KRT4: variants seen among roughly 807,000 people sequenced by gnomAD.
The protein encoded by KRT4 is keratin 4.
In KRT4, 47 loss-of-function variants were observed where a neutral mutation model predicts 50.6. The ratio of observed to expected loss-of-function variants is 0.93; its 90% CI spans 0.73 to 1.18. The LOEUF is 1.18. Ranked by LOEUF, KRT4 falls within the 50% of genes most tolerant of loss-of-function variation. The pLI is 0.00. For synonymous variants in KRT4, 254 were observed against 251.2 expected (o/e 1.01, Z -0.10); for missense variants, 651 against 645.7 (o/e 1.01, Z -0.09).
At chr12:52,807,338 G>C in intron 8 of KRT4, 21 bp downstream of exon 8, 1 of 1,614,208 alleles carries the variant, frequency 6.2e-7, no homozygotes, top group South Asian at 1.1e-5. Flanking sequence ...AACAACTACA[G>C]CAGGCGTGGA....
At chr12:52,808,904 A>T in intron 4 of KRT4, 54 bp from the exon 5 acceptor site, 1 of 1,586,378 alleles carries the variant, frequency 6.3e-7, no homozygotes, top group Non-Finnish European at 8.7e-7. Flanking sequence ...CACTGACCTG[A>T]TACAGGCTCA....
intron 3 of KRT4, 110 bp downstream of exon 3, chr12:52,810,646 G>C (rs1939893705): frequency 1.1e-6 from 1 of 883,132 alleles, no homozygotes; most frequent in Admixed American, 1.8e-5. Context: ...ATAGTTCCAA[G>C]TGAAGCAGGG....
Position 52,813,618 on chromosome 12 carries a change from CTT to C in KRT4, c.439_440del (p.Lys147ValfsTer16). 6.2e-7 allele frequency: 1 copy of C among 1,614,160 alleles called. No individual in the cohort carries two copies. The highest frequency in any genetic ancestry group is 1.3e-5 in the African/African-American group (1 of 75,028). On this transcript the variant is annotated frameshift_variant, in exon 1 of 9. Coordinates refer to ENST00000551956, the MANE Select transcript of KRT4 (RefSeq NM_002272.4). LOFTEE classifies it high-confidence loss of function. ...TCACCTTGTCGATGAAGGAGGCAAACTTGTTGTTGAGGAGCTTGATCTGTTCG... is the reference window on the plus strand; with the variant it reads ...TCACCTTGTCGATGAAGGAGGCAAACGTTGTTGAGGAGCTTGATCTGTTCG... ...EREQIKLLNN[K>X]FASFIDKVQF...
chr12:52,810,901 T>C, intron 2 of KRT4, 85 bp from the exon 3 acceptor site: 1 of 1,138,134 alleles, frequency 8.8e-7, no homozygotes. Flanking sequence ...TTCAAGCATT[T>C]CCAAACAAAT....
intron 2 of KRT4, 21 bp downstream of exon 2, chr12:52,811,742 C>A: frequency 6.3e-7 from 1 of 1,593,036 alleles, no homozygotes; most frequent in African/African-American, 1.3e-5. Flanking sequence ...AGATGGCGTC[C>A]CCTCCTTCCT....
At chr12:52,809,694 G>A (rs1217280596) in intron 3 of KRT4, among the ~76,000 whole-genome samples, 1 of 152,162 alleles carries the variant, frequency 6.6e-6, no homozygotes, top group African/African-American at 2.4e-5. Context: ...TAACAGTATG[G>A]AGATCTCTCA....
intron 3 of KRT4, among the ~76,000 whole-genome samples, chr12:52,809,945 T>C (rs1423537728): frequency 6.6e-6 from 1 of 152,056 alleles, no homozygotes; most frequent in African/African-American, 2.4e-5. Flanking sequence ...AAATTATGTC[T>C]TTTTGCAGCA....
chr12:52,812,012 G>T (rs1291455065), intron 1 of KRT4, 35 bp from the exon 2 acceptor site: 2 of 1,563,370 alleles, frequency 1.3e-6, no homozygotes, highest in South Asian at 2.3e-5. Flanking sequence ...AGTGATGAGG[G>T]CCTGAAGTGT....
intron 1 of KRT4, among the ~76,000 whole-genome samples, chr12:52,813,145 ACCTAGAATCTGC>A (rs1479429508): frequency 9.2e-5 from 14 of 152,156 alleles, no homozygotes; most frequent in Non-Finnish European, 1.9e-4. Context: ...CCTTGGTGAG[ACCTAGAATCTGC>A]CACTGGAGCC....
At chr12:52,807,974 A>G (rs1939831895) in intron 6 of KRT4, 110 bp from the exon 7 acceptor site, 1 of 1,004,376 alleles carries the variant, frequency 1.0e-6, no homozygotes, top group Non-Finnish European at 1.5e-6. Context: ...TCAAGATTCT[A>G]TCTGTTCTGC....
At position 52,807,693 on chromosome 12, in the gene KRT4, C is replaced by T. The variant is rs1214101230; in HGVS notation, c.1297G>A (p.Asp433Asn). 1 of 1,614,142 alleles carries T rather than the reference C, an allele frequency of 6.2e-7. No individual in the cohort carries two copies. The highest frequency in any genetic ancestry group is 1.7e-5 in the Admixed American group (1 of 60,022). Reference protein sequence around the residue: ...QELMSVKLALDIEIATYRKLL... With the variant: ...QELMSVKLALNIEIATYRKLL... ...TTGCGGTAGGTGGCGATCTCGATGT[C>T]CAAGGCCAGCTTCACACTCATGAGC... The change falls in exon 7 of 9, where the codon GAC becomes AAC. Residue 433 changes from aspartate (D) to asparagine (N), a missense_variant. Coordinates refer to ENST00000551956, the MANE Select transcript of KRT4 (RefSeq NM_002272.4).
rs1939896765 is a variant in KRT4 at position 52,810,804 on chromosome 12, C to T, written c.690G>A (p.Glu230=). ...VEDFKTKYEE[E]INKRTAAEND... ...TCTCGGCTGCTGTGCGTTTGTTGAT[C>T]TCCTCTTCATACCTGGGGGTGGGCA... Residue 230 remains glutamate, a synonymous_variant, in exon 3 of 9, where the codon GAG becomes GAA. Transcript: ENST00000551956. 1 of 1,614,060 alleles carries T rather than the reference C, an allele frequency of 6.2e-7. No homozygotes were observed. Among genetic ancestry groups the T allele is most frequent in the Non-Finnish European group, 8.5e-7 (1 of 1,179,922 alleles).
At chr12:52,810,469 C>T (rs1013110294) in intron 3 of KRT4, among the ~76,000 whole-genome samples, 6 of 152,140 alleles carry the variant, frequency 3.9e-5, no homozygotes, top group East Asian at 3.9e-4. Context: ...ATCGCTTGAA[C>T]CCAGTAGGTG....
At position 52,806,778 on chromosome 12, in the gene KRT4, C is replaced by A. The variant is rs1939803263; in HGVS notation, c.*291G>T. On this transcript the variant is annotated 3_prime_UTR_variant, in exon 9 of 9. Transcript: ENST00000551956. ...GACCCCAATAATTCTGGAGATGACA[C>A]TCCTGGTCATTTTCTTCTCTGTCCA... 4 of 494,696 alleles carry A rather than the reference C, an allele frequency of 8.1e-6. No individual in the cohort carries two copies. In the South Asian group the frequency reaches 8.2e-5, roughly 10 times the overall value. 30.6% of individuals were successfully genotyped at this position (494,696 alleles called of 1,614,324 possible).
chr12:52,809,694 G>T (rs1217280596), intron 3 of KRT4, among the ~76,000 whole-genome samples: 17 of 152,162 alleles, frequency 1.1e-4, no homozygotes. Context: ...TAACAGTATG[G>T]AGATCTCTCA....
Position 52,806,934 on chromosome 12 carries a change from G to A in KRT4, c.*135C>T, listed in dbSNP as rs933523701. 36 of 856,008 alleles carry A rather than the reference G, an allele frequency of 4.2e-5. No homozygotes were observed. The highest frequency in any genetic ancestry group is 6.5e-5 in the Non-Finnish European group (34 of 519,806). The allele number at this position is 856,008 out of a possible 1,614,324, so 53.0% of individuals were successfully genotyped here. A position where few individuals can be genotyped will look rare whatever the true frequency, so the allele number is the denominator to read the frequency against. ...ACAGAAGATCATCCTGGGGCAGAGA[G>A]AGCCCATGGGATAGTGGAGGGGATA... On this transcript the variant is annotated 3_prime_UTR_variant, in exon 9 of 9. Transcript: ENST00000551956.
intron 3 of KRT4, among the ~76,000 whole-genome samples, chr12:52,810,408 G>A (rs527845159): frequency 3.3e-5 from 5 of 152,076 alleles, no homozygotes; most frequent in East Asian, 1.9e-4. Context: ...TTAGCCAGGC[G>A]TGGTGGTGCA....
chr12:52,808,434 G>A lies in KRT4; in HGVS notation c.1000-15C>T, dbSNP rs780851356. 6.2e-7 allele frequency: 1 copy of A among 1,613,364 alleles called. No homozygotes were observed. The highest frequency in any genetic ancestry group is 8.5e-7 in the Non-Finnish European group (1 of 1,180,026). On this transcript the variant is annotated splice_polypyrimidine_tract_variant and intron_variant, in intron 5 of 8. Transcript: ENST00000551956. The stretch of plus-strand genomic sequence containing the variant: ...AGCTGCTGGACCTAAGACTCAAGAA[G>A]ACACAGAGAACCAGGTGTTAGGGGC...
rs1939864438 is a variant in KRT4, at chr12:52,809,313, A to G, written c.834+70T>C. Reference sequence around the variant, plus strand: ...GCTGGAGTCCTTTCAAAAAACTGTGAATCCCAACCAGCAGCGTCACAGATG... The same window carrying G: ...GCTGGAGTCCTTTCAAAAAACTGTGGATCCCAACCAGCAGCGTCACAGATG... On this transcript the variant is annotated intron_variant, in intron 4 of 8. Coordinates refer to ENST00000551956, the MANE Select transcript of KRT4 (RefSeq NM_002272.4). The G allele has an allele frequency of 3.3e-6, 4 of 1,218,970 alleles. No individual in the cohort carries two copies. The African/African-American group carries it at 5.9e-5, about 18-fold the overall frequency. The allele number at this position is 1,218,970 out of a possible 1,614,324, so 75.5% of individuals were successfully genotyped here. A position where few individuals can be genotyped will look rare whatever the true frequency, so the allele number is the denominator to read the frequency against.
Sources: gnomAD v4.1 joint callset for allele counts (sites outside exome capture counted in the v4.1 genomes callset) on GRCh38, gnomAD v4.1.1 for gene constraint, MANE v1.5 for transcripts, NCBI Gene and HGNC (gene_info 2026-07-23, HGNC 2026-07-21) for gene names.